The following HERC6 variants were observed in gnomAD, a reference collection of about 807,000 sequenced individuals.
HERC6 encodes probable E3 ubiquitin-protein ligase HERC6.
HERC6 carries 101 observed loss-of-function variants against 114.5 expected under a neutral mutation model. That is an observed-to-expected ratio of 0.88 (90% CI 0.75 to 1.04). HERC6 has a LOEUF of 1.04. HERC6 is among the 50% of genes least tolerant of loss of function. HERC6 has a pLI of 0.00. For synonymous variants in HERC6, 408 were observed against 436.2 expected, an observed-to-expected ratio of 0.94 and a Z score of 0.81; for missense variants, 1,133 against 1,230.9, an observed-to-expected ratio of 0.92 and a Z score of 1.19.
At chr4:88,386,891 A>G (rs1161569391) in intron 3 of HERC6, among the ~76,000 whole-genome samples, 1 of 152,120 alleles carries the variant, frequency 6.6e-6, no homozygotes, top group African/African-American at 2.4e-5. Flanking sequence ...TCAACTCAAA[A>G]CAATCCTTAT....
At chr4:88,413,013 C>T in intron 11 of HERC6, 64 bp from the exon 12 acceptor site, 1 of 1,191,278 alleles carries the variant, frequency 8.4e-7, no homozygotes, top group Non-Finnish European at 1.2e-6. Context: ...TCACAGCTTG[C>T]TTCTCACAAT....
intron 4 of HERC6, among the ~76,000 whole-genome samples, chr4:88,392,962 T>G (rs1279548396): frequency 6.6e-6 from 1 of 152,226 alleles, no homozygotes; most frequent in Non-Finnish European, 1.5e-5. Flanking sequence ...GATATGCCCA[T>G]GGCCTGCTAT....
intron 15 of HERC6, among the ~76,000 whole-genome samples, chr4:88,427,160 C>T (rs1737724450): frequency 6.6e-6 from 1 of 152,122 alleles, no homozygotes; most frequent in Non-Finnish European, 1.5e-5. Flanking sequence ...TCCTGCTCTC[C>T]AAAGGAGAGA....
chr4:88,384,818 G>A (rs997786584), intron 2 of HERC6, among the ~76,000 whole-genome samples: 6 of 152,006 alleles, frequency 3.9e-5, no homozygotes, highest in African/African-American at 1.2e-4. Context: ...TCAGGATTTC[G>A]AGACCAGCCT....
chr4:88,389,770 A>G (rs760969177), intron 3 of HERC6, among the ~76,000 whole-genome samples: 4 of 152,198 alleles, frequency 2.6e-5, no homozygotes, highest in Non-Finnish European at 5.9e-5. Flanking sequence ...GAAGTAGAAT[A>G]GAAATAGAAG....
At chr4:88,437,841 C>T in intron 20 of HERC6, 60 bp downstream of exon 20, 2 of 1,157,304 alleles carry the variant, frequency 1.7e-6, no homozygotes, top group Non-Finnish European at 2.5e-6. Context: ...TGTTGTATCA[C>T]TATTCTTTTA....
intron 3 of HERC6, among the ~76,000 whole-genome samples, 163 bp downstream of exon 3, chr4:88,385,738 C>T (rs186613346): frequency 6.6e-6 from 1 of 152,180 alleles, no homozygotes; most frequent in African/African-American, 2.4e-5. Flanking sequence ...TTTCTTGGTC[C>T]TAATTATACT....
intron 17 of HERC6, 63 bp downstream of exon 17, chr4:88,431,368 T>C: frequency 6.6e-7 from 1 of 1,515,114 alleles, no homozygotes; most frequent in Non-Finnish European, 8.9e-7. Context: ...ACTGCAACAT[T>C]AACACCATAG....
intron 19 of HERC6, among the ~76,000 whole-genome samples, chr4:88,437,404 T>C (rs1738874736): frequency 6.6e-6 from 1 of 152,120 alleles, no homozygotes; most frequent in South Asian, 2.1e-4. Flanking sequence ...ACCGCAAGAC[T>C]TTCCCCTTAT....
intron 13 of HERC6, among the ~76,000 whole-genome samples, chr4:88,423,543 A>T (rs945399757): frequency 8.5e-5 from 13 of 152,214 alleles, no homozygotes; most frequent in Non-Finnish European, 1.9e-4. Flanking sequence ...TGAATTTGTT[A>T]AAAGTACCTT....
intron 12 of HERC6, among the ~76,000 whole-genome samples, chr4:88,414,638 C>A (rs1736325204): frequency 6.6e-6 from 1 of 152,112 alleles, no homozygotes. Context: ...GTTATTCATA[C>A]CTCCCCTTTT....
chr4:88,391,503 C>A (rs1227688680), intron 4 of HERC6, among the ~76,000 whole-genome samples: 2 of 152,198 alleles, frequency 1.3e-5, no homozygotes, highest in Non-Finnish European at 2.9e-5. Context: ...GACCATTATT[C>A]TTTGGGAGGC....
chr4:88,403,380 G>A (rs1264463157), intron 8 of HERC6, among the ~76,000 whole-genome samples: 1 of 152,158 alleles, frequency 6.6e-6, no homozygotes, highest in African/African-American at 2.4e-5. Flanking sequence ...ACTTGTGGGT[G>A]ATTAAAGGGA....
At chr4:88,379,308 G>A (rs1734038490) in intron 1 of HERC6, among the ~76,000 whole-genome samples, 188 bp downstream of exon 1, 1 of 152,090 alleles carries the variant, frequency 6.6e-6, no homozygotes, top group African/African-American at 2.4e-5. Flanking sequence ...TGGGAGCCTT[G>A]GATTCCTCGG....
intron 13 of HERC6, among the ~76,000 whole-genome samples, chr4:88,418,011 G>A: frequency 6.6e-6 from 1 of 151,140 alleles, no homozygotes; most frequent in Middle Eastern, 3.4e-3. Context: ...CAACAACATG[G>A]ATGAATCTCA....
rs758673320 is a variant in HERC6 at position 88,405,612 on chromosome 4, A to G, written c.1273A>G (p.Arg425Gly). The change falls in exon 10 of 23, where the codon AGA becomes GGA. Residue 425 changes from arginine (R) to glycine (G), a missense_variant and splice_region_variant. Physicochemically the swap from Arg to Gly is moderately radical, Grantham distance 125 (BLOSUM62 -2). Transcript: ENST00000264346. Reference protein sequence around the residue: ...ACLTASFLKKRGTGETTSIDV... With the variant: ...ACLTASFLKKGGTGETTSIDV... The stretch of plus-strand genomic sequence containing the variant: ...TCTGACTGCAAGTTTTTTAAAGAAA[A>G]GGTAATACTTACATAAGATTTACCT... 61 of 1,476,642 alleles carry G rather than the reference A, an allele frequency of 4.1e-5. No individual in the cohort carries two copies. The highest frequency in any genetic ancestry group is 4.8e-5 in the Non-Finnish European group (52 of 1,076,686). 91.5% of individuals were successfully genotyped at this position (1,476,642 alleles called of 1,614,324 possible). A position where few individuals can be genotyped will look rare whatever the true frequency, so the allele number is the denominator to read the frequency against.
chr4:88,434,397 A>G (rs181401092), intron 17 of HERC6, among the ~76,000 whole-genome samples: 65 of 152,392 alleles, frequency 4.3e-4, no homozygotes, highest in African/African-American at 1.4e-3. Flanking sequence ...ATACAAACTT[A>G]AGGGATTCTT....
At chr4:88,408,681 C>A in intron 11 of HERC6, 64 bp downstream of exon 11, 1 of 1,114,178 alleles carries the variant, frequency 9.0e-7, no homozygotes, top group Non-Finnish European at 1.3e-6. Flanking sequence ...TTGTTGGAAG[C>A]TGGGTGAGAT....
At chr4:88,425,636 T>C (rs1737531254) in intron 15 of HERC6, among the ~76,000 whole-genome samples, 1 of 152,216 alleles carries the variant, frequency 6.6e-6, no homozygotes, top group African/African-American at 2.4e-5. Context: ...TTATTTTGTT[T>C]TCCACTTACT....
Sources: allele counts gnomAD v4.1 joint callset (sites outside exome capture counted in the v4.1 genomes callset), GRCh38; gene constraint gnomAD v4.1.1; transcripts MANE v1.5; gene names NCBI Gene and HGNC (gene_info 2026-07-23, HGNC 2026-07-21).